The following MARCHF1 variants were observed in gnomAD, a reference collection of about 807,000 sequenced individuals.
MARCHF1 encodes E3 ubiquitin-protein ligase MARCHF1.
MARCHF1 carries 40 observed loss-of-function variants against 54.2 expected under a neutral mutation model. That is an observed-to-expected ratio of 0.74 (90% CI 0.57 to 0.96). The LOEUF is 0.96. MARCHF1 is among the 40% of genes least tolerant of loss of function. MARCHF1 has a pLI of 0.00. For missense variants in MARCHF1, 586 were observed against 656.5 expected (o/e 0.89, Z 1.17); for synonymous variants, 236 against 236.3 (o/e 1.00, Z 0.01).
intron 1 of MARCHF1, among the ~76,000 whole-genome samples, chr4:164,380,272 C>T (rs1030944048): frequency 6.6e-6 from 1 of 151,708 alleles, no homozygotes; most frequent in African/African-American, 2.4e-5. Context: ...TTAACTGAAA[C>T]TAATTAGAAA....
chr4:164,039,815 G>T (rs933905302), intron 2 of MARCHF1, among the ~76,000 whole-genome samples: 1 of 151,662 alleles, frequency 6.6e-6, no homozygotes, highest in African/African-American at 2.4e-5. Flanking sequence ...GTCTTTACTG[G>T]GGATCATTTG....
intron 5 of MARCHF1, among the ~76,000 whole-genome samples, chr4:163,643,961 G>A (rs765431979): frequency 8.7e-4 from 133 of 152,188 alleles, no homozygotes; most frequent in Non-Finnish European, 1.5e-3. Flanking sequence ...ATAGTATTGT[G>A]TAATTGTTTT....
At chr4:164,319,107 A>G (rs1406657127) in intron 1 of MARCHF1, among the ~76,000 whole-genome samples, 2 of 152,142 alleles carry the variant, frequency 1.3e-5, no homozygotes, top group Non-Finnish European at 2.9e-5. Flanking sequence ...TCAACCACAT[A>G]TTGAAAATAT....
In MARCHF1 at chr4:163,768,813, G is replaced by A. The variant is rs115322448; in HGVS notation, c.112-67950C>T. 3.7e-3 allele frequency among the ~76,000 whole-genome samples: 570 copies of A among 152,272 alleles called. 3 individuals are homozygous for A. The highest frequency in any genetic ancestry group is 0.013 in the African/African-American group (547 of 41,568). ...TGAGTTCTGGCAGATAGGTAGCAAA[G>A]TAAGAACTGTAAGTCAATAATCATT... On this transcript the variant is annotated intron_variant, in intron 4 of 9. Coordinates refer to ENST00000514618, the MANE Select transcript of MARCHF1 (RefSeq NM_001394959.1).
chr4:164,374,978 G>A (rs1236073236), intron 1 of MARCHF1, among the ~76,000 whole-genome samples: 9 of 152,028 alleles, frequency 5.9e-5, no homozygotes, highest in Admixed American at 5.9e-4. Flanking sequence ...ACCTGACTTT[G>A]GGTTCCATGA....
intron 1 of MARCHF1, among the ~76,000 whole-genome samples, chr4:164,334,665 G>T (rs931255776): frequency 6.6e-6 from 1 of 152,052 alleles, no homozygotes; most frequent in African/African-American, 2.4e-5. Context: ...CATAGATCAA[G>T]GAATAATTTT....
intron 3 of MARCHF1, among the ~76,000 whole-genome samples, chr4:163,912,509 G>A (rs927574914): frequency 2.6e-5 from 4 of 152,088 alleles, no homozygotes; most frequent in African/African-American, 9.7e-5. Flanking sequence ...ATACATTTGC[G>A]TACAAGAAAT....
intron 1 of MARCHF1, among the ~76,000 whole-genome samples, chr4:164,294,067 T>C (rs1734351288): frequency 6.6e-6 from 1 of 152,220 alleles, no homozygotes; most frequent in Non-Finnish European, 1.5e-5. Context: ...ATTTTTCTCC[T>C]ACACTGTATA....
rs151036466 is a variant in MARCHF1 at position 163,877,063 on chromosome 4, A to G, written c.-38-22894T>C. On this transcript the variant is annotated intron_variant, in intron 3 of 9. Coordinates refer to ENST00000514618, the MANE Select transcript of MARCHF1 (RefSeq NM_001394959.1). ...GTAGAAAGTAGTCCCCAAATCTTAT[A>G]TCTCCACAGGTTTCTGAATAATAGC... 2.9e-3 allele frequency among the ~76,000 whole-genome samples: 437 copies of G among 152,266 alleles called. 4 individuals are homozygous for G. Among genetic ancestry groups the G allele is most frequent in the Middle Eastern group, 0.014 (4 of 294 alleles).
chr4:164,180,968 A>G (rs1451780398), intron 1 of MARCHF1, among the ~76,000 whole-genome samples: 1 of 152,188 alleles, frequency 6.6e-6, no homozygotes, highest in African/African-American at 2.4e-5. Context: ...CTTGTTTTCA[A>G]TTCTGCAACC....
rs146075162 is a variant in MARCHF1, at chr4:163,577,360, A to G, written c.1191+8389T>C. Among the ~76,000 whole-genome samples, 10 of 152,070 alleles carry G rather than the reference A, an allele frequency of 6.6e-5. No homozygotes were observed. In the East Asian group the frequency reaches 1.9e-3, roughly 29 times the overall value. ...TGAAGTTTAGTTTGGTGGGTTATAAACTTCTTGATTGAAATTTCTTTTGTT... is the reference window on the plus strand; with the variant it reads ...TGAAGTTTAGTTTGGTGGGTTATAAGCTTCTTGATTGAAATTTCTTTTGTT... On this transcript the variant is annotated intron_variant, in intron 8 of 9. Transcript: ENST00000514618.
intron 5 of MARCHF1, among the ~76,000 whole-genome samples, chr4:163,614,910 G>C (rs1412939096): frequency 1.3e-5 from 2 of 152,094 alleles, no homozygotes; most frequent in Non-Finnish European, 1.5e-5. Context: ...CTACACTGAT[G>C]GCTTTCAAGG....
chr4:163,916,625 C>A (rs1751313547), intron 3 of MARCHF1, among the ~76,000 whole-genome samples: 1 of 152,078 alleles, frequency 6.6e-6, no homozygotes, highest in African/African-American at 2.4e-5. Flanking sequence ...TTCCCTATGG[C>A]ATTATCAGAC....
chr4:164,137,775 C>G (rs1756433008), intron 1 of MARCHF1, among the ~76,000 whole-genome samples: 1 of 151,986 alleles, frequency 6.6e-6, no homozygotes, highest in South Asian at 2.1e-4. Context: ...AGAATATTTT[C>G]CCTTGTTATG....
At chr4:164,142,626 G>C (rs1186615846) in intron 1 of MARCHF1, among the ~76,000 whole-genome samples, 3 of 152,232 alleles carry the variant, frequency 2.0e-5, no homozygotes, top group African/African-American at 7.2e-5. Context: ...CTGTTAGAAG[G>C]AAAACTAACA....
In MARCHF1 at chr4:164,305,147, T is replaced by C. The variant is rs1734663754; in HGVS notation, c.-323+78723A>G. Among the ~76,000 whole-genome samples, 6 of 152,250 alleles carry C rather than the reference T, an allele frequency of 3.9e-5. No homozygotes were observed. The South Asian group carries it at 1.2e-3, about 32-fold the overall frequency. On this transcript the variant is annotated intron_variant, in intron 1 of 9. Coordinates refer to ENST00000514618, the MANE Select transcript of MARCHF1 (RefSeq NM_001394959.1). ...CATGTGTCAGACACCATACTAGTAC[T>C]GTGAAATGGGAAAGTGACCCCCAAA...
intron 7 of MARCHF1, among the ~76,000 whole-genome samples, chr4:163,590,467 C>T (rs559144554): frequency 2.0e-5 from 3 of 152,206 alleles, no homozygotes; most frequent in East Asian, 1.9e-4. Flanking sequence ...AACAGATACA[C>T]AAAGTATCTT....
At chr4:164,375,701 A>G (rs952342803) in intron 1 of MARCHF1, among the ~76,000 whole-genome samples, 1 of 152,192 alleles carries the variant, frequency 6.6e-6, no homozygotes, top group East Asian at 1.9e-4. Context: ...ACACATGTAC[A>G]ATTAATTCCT....
chr4:164,189,536 TA>T, intron 1 of MARCHF1: 1 of 849,998 alleles, frequency 1.2e-6, no homozygotes, highest in Non-Finnish European at 2.0e-6. Flanking sequence ...TCCCATGGCA[TA>T]AACCCAGATG....
Sources: allele counts gnomAD v4.1 joint callset (sites outside exome capture counted in the v4.1 genomes callset), GRCh38; gene constraint gnomAD v4.1.1; transcripts MANE v1.5; gene names NCBI Gene and HGNC (gene_info 2026-07-23, HGNC 2026-07-21).